Variants in LIMK2 observed in about 807,000 individuals in gnomAD.
LIMK2 encodes LIM domain kinase 2.
In LIMK2, 35 loss-of-function variants were observed where a neutral mutation model predicts 75.7. That is an observed-to-expected ratio of 0.46 (90% confidence interval 0.35 to 0.61). LIMK2 has a LOEUF of 0.61. Ranked by LOEUF, LIMK2 falls within the 20% of genes least tolerant of loss-of-function variation. The pLI is 0.00. For missense variants in LIMK2, 623 were observed against 831.0 expected (o/e 0.75, Z 3.08); for synonymous variants, 301 against 319.2 (o/e 0.94, Z 0.61).
At chr22:31,273,758 C>T (rs188596039) in intron 14 of LIMK2, among the ~76,000 whole-genome samples, 9 of 152,184 alleles carry the variant, frequency 5.9e-5, no homozygotes, top group Admixed American at 1.3e-4. Flanking sequence ...AGTGCAGTGG[C>T]ACAATCTGGG....
At position 31,268,248 on chromosome 22, in the gene LIMK2, T is replaced by C. The variant is rs200430471; in HGVS notation, c.1317+48T>C. On this transcript the variant is annotated intron_variant, in intron 11 of 15. Transcript: ENST00000331728. ...CCAGCAGGGCGAGAGTAGGGAGAGGTGTGAGAATTGTGGGCTTCACTGGAA... is the reference window on the plus strand; with the variant it reads ...CCAGCAGGGCGAGAGTAGGGAGAGGCGTGAGAATTGTGGGCTTCACTGGAA... The C allele has an allele frequency of 2.0e-5, 30 of 1,479,570 alleles. No individual in the cohort carries two copies. In the Admixed American group the frequency reaches 4.3e-4, roughly 21 times the overall value. 91.7% of individuals were successfully genotyped at this position (1,479,570 alleles called of 1,614,324 possible).
At chr22:31,217,255 G>A (rs1485168434) in intron 1 of LIMK2, among the ~76,000 whole-genome samples, 2 of 122,322 alleles carry the variant, frequency 1.6e-5, no homozygotes, top group Non-Finnish European at 4.0e-5. Context: ...AAAATTAGCC[G>A]GGCATGGGGG....
intron 7 of LIMK2, 114 bp from the exon 8 acceptor site, chr22:31,265,832 A>T: frequency 1.2e-6 from 1 of 806,604 alleles, no homozygotes; most frequent in South Asian, 1.7e-5. Context: ...CAATAATAAC[A>T]TCTAAACTAT....
intron 1 of LIMK2, among the ~76,000 whole-genome samples, chr22:31,217,181 C>T (rs2048395207): frequency 6.6e-6 from 1 of 152,014 alleles, no homozygotes; most frequent in African/African-American, 2.4e-5. Context: ...GTGGGTGGAT[C>T]ACAAGGTCAG....
At chr22:31,256,443 T>A (rs1478536710) in intron 2 of LIMK2, among the ~76,000 whole-genome samples, 1 of 147,874 alleles carries the variant, frequency 6.8e-6, no homozygotes, top group Non-Finnish European at 1.5e-5. Flanking sequence ...TGGGTTCCAG[T>A]GATTCTCCTG....
At position 31,279,768 on chromosome 22, in the gene LIMK2, A is replaced by ATAAAGT. The variant is rs1175665005; in HGVS notation, c.*1327_*1328insTAAAGT. On this transcript the variant is annotated 3_prime_UTR_variant, in exon 16 of 16. Coordinates refer to ENST00000331728, the MANE Select transcript of LIMK2 (RefSeq NM_005569.4). ...GTGGTGGTTGTATTGGAGCAGGGGG[A>ATAAAGT]ATTGATAAAGGAGAGTGGTTGCTGT... is the stretch of plus-strand genomic sequence containing the variant. 1 of 151,998 alleles carries ATAAAGT rather than the reference A, an allele frequency of 6.6e-6. No homozygotes were observed. The highest frequency in any genetic ancestry group is 1.5e-5 in the Non-Finnish European group (1 of 68,012). The allele number at this position is 151,998 out of a possible 1,614,324, so 9.4% of individuals were successfully genotyped here. A position where few individuals can be genotyped will look rare whatever the true frequency, so the allele number is the denominator to read the frequency against.
chr22:31,259,834 G>A (rs1282566508), intron 4 of LIMK2, 55 bp from the exon 5 acceptor site: 1 of 1,499,082 alleles, frequency 6.7e-7, no homozygotes, highest in Non-Finnish European at 9.0e-7. Context: ...GTGGTTGCTG[G>A]GGGGCTTCTG....
At chr22:31,277,380 T>C (rs1474913892) in intron 15 of LIMK2, 2 of 1,309,074 alleles carry the variant, frequency 1.5e-6, no homozygotes, top group Non-Finnish European at 1.9e-6. Flanking sequence ...ACGGGCCCTT[T>C]AATAAAGCGA....
intron 5 of LIMK2, 66 bp downstream of exon 5, chr22:31,260,143 C>T: frequency 7.6e-7 from 1 of 1,310,914 alleles, no homozygotes. Flanking sequence ...CCTCAGAGGG[C>T]TTAGACCTCC....
intron 2 of LIMK2, among the ~76,000 whole-genome samples, chr22:31,226,599 A>ATATTATTATTATTATTAT (rs775194123): frequency 0.024 from 3,318 of 138,740 alleles, no homozygotes; most frequent in South Asian, 0.032. Flanking sequence ...TATTATAGCT[A>ATATTATTATTATTATTAT]CATTATTATT....
At chr22:31,219,583 T>A (rs1057081167) in intron 1 of LIMK2, among the ~76,000 whole-genome samples, 1 of 152,134 alleles carries the variant, frequency 6.6e-6, no homozygotes, top group African/African-American at 2.4e-5. Context: ...TTTTATTTTA[T>A]TTTTTTGAGA....
At chr22:31,253,916 T>C (rs1311740429) in intron 2 of LIMK2, among the ~76,000 whole-genome samples, 6 of 152,192 alleles carry the variant, frequency 3.9e-5, no homozygotes, top group African/African-American at 1.4e-4. Flanking sequence ...CATGGCAACT[T>C]CTTAAGTGGT....
chr22:31,247,954 T>C (rs1295519616), intron 2 of LIMK2, among the ~76,000 whole-genome samples: 1 of 151,754 alleles, frequency 6.6e-6, no homozygotes, highest in Non-Finnish European at 1.5e-5. Flanking sequence ...ACAGAACAGA[T>C]GGCAGCTCAG....
intron 1 of LIMK2, among the ~76,000 whole-genome samples, chr22:31,221,166 T>C (rs1163816745): frequency 6.6e-6 from 1 of 152,082 alleles, no homozygotes; most frequent in African/African-American, 2.4e-5. Flanking sequence ...TAAGGACCAT[T>C]TGCTCTTTCA....
chr22:31,228,139 A>G (rs2048495667), intron 2 of LIMK2, among the ~76,000 whole-genome samples: 1 of 152,116 alleles, frequency 6.6e-6, no homozygotes, highest in Non-Finnish European at 1.5e-5. Context: ...CAGGCAGGCC[A>G]GGCGTGGTGG....
intron 7 of LIMK2, among the ~76,000 whole-genome samples, chr22:31,265,191 C>CAAAAAA (rs35356989): frequency 2.9e-5 from 1 of 34,500 alleles, no homozygotes. Flanking sequence ...GAGACTCCAT[C>CAAAAAA]AAAAAAAAAA....
chr22:31,278,449 C>T lies in LIMK2; in HGVS notation c.*8C>T. ...CGGGACTCACCTCCCTAGCCCTGGC[C>T]CAGCCCCCTGCAGGGGGGTGTTCTA... On this transcript the variant is annotated 3_prime_UTR_variant, in exon 16 of 16. Coordinates refer to ENST00000331728, the MANE Select transcript of LIMK2 (RefSeq NM_005569.4). 6.3e-7 allele frequency: 1 copy of T among 1,599,196 alleles called. No homozygotes were observed. Among genetic ancestry groups the T allele is most frequent in the East Asian group, 2.2e-5 (1 of 44,478 alleles).
At chr22:31,263,757 G>A (rs900670544) in intron 7 of LIMK2, among the ~76,000 whole-genome samples, 6 of 152,210 alleles carry the variant, frequency 3.9e-5, no homozygotes, top group Admixed American at 3.9e-4. Context: ...CAGCACTTTG[G>A]GAGGCCAAGG....
At chr22:31,228,625 T>C (rs2048499086) in intron 2 of LIMK2, among the ~76,000 whole-genome samples, 1 of 152,124 alleles carries the variant, frequency 6.6e-6, no homozygotes. Context: ...TAGCATAGCA[T>C]CTGACATATA....
Sources: allele counts gnomAD v4.1 joint callset (sites outside exome capture counted in the v4.1 genomes callset), GRCh38; gene constraint gnomAD v4.1.1; transcripts MANE v1.5; gene names NCBI Gene and HGNC (gene_info 2026-07-23, HGNC 2026-07-21).